The following SCNN1A variants were observed in gnomAD, a reference collection of about 807,000 sequenced individuals.
The protein encoded by SCNN1A is epithelial sodium channel subunit alpha.
SCNN1A carries 65 observed loss-of-function variants against 68.6 expected under a neutral mutation model. That is an observed-to-expected ratio of 0.95 (90% CI 0.78 to 1.16). The LOEUF is 1.16. SCNN1A is among the 50% of genes most tolerant of loss of function. The probability of loss-of-function intolerance (pLI) is 0.00; values close to 1 mark genes in which losing one functional copy is unlikely to be tolerated. For missense variants in SCNN1A, 880 were observed against 865.9 expected (o/e 1.02, Z -0.20); for synonymous variants, 357 against 353.3 (o/e 1.01, Z -0.12).
chr12:6,354,819 A>G lies in SCNN1A; in HGVS notation c.1173T>C (p.Tyr391=), dbSNP rs777139886. ...CACTGCCATTCTTGGTGCAGTCGCCATAATCGCCCCCAAGTCTGTCCAGGG... is the reference window on the plus strand; with the variant it reads ...CACTGCCATTCTTGGTGCAGTCGCCGTAATCGCCCCCAAGTCTGTCCAGGG... The part of the protein sequence containing the change: ...KETLDRLGGD[Y]GDCTKNGSDV... The change falls in exon 7 of 13, where the codon TAT becomes TAC. Residue 391 remains tyrosine, a synonymous_variant. Transcript: ENST00000228916. 4.3e-6 allele frequency: 7 copies of G among 1,613,928 alleles called. No homozygotes were observed. In the Admixed American group the frequency reaches 5.0e-5, roughly 12 times the overall value.
intron 7 of SCNN1A, 82 bp from the exon 8 acceptor site, chr12:6,354,637 C>T (rs1265212803): frequency 3.5e-6 from 5 of 1,411,682 alleles, no homozygotes; most frequent in East Asian, 2.3e-5. Flanking sequence ...ATCCTCTTTC[C>T]ACCACCCCCC....
At chr12:6,364,572 G>A (rs893510239) in intron 2 of SCNN1A, among the ~76,000 whole-genome samples, 5 of 151,896 alleles carry the variant, frequency 3.3e-5, no homozygotes, top group Admixed American at 1.3e-4. Flanking sequence ...TGGCTAACAC[G>A]GTGAAACCCC....
chr12:6,375,790 A>G, upstream of SCNN1A: 1 of 1,388,744 alleles, frequency 7.2e-7, no homozygotes, highest in Non-Finnish European at 9.3e-7. Flanking sequence ...GAACAAGTAG[A>G]AGGATCCTGA....
upstream of SCNN1A, chr12:6,375,797 C>A (rs1159731041): frequency 2.4e-5 from 33 of 1,380,720 alleles, no homozygotes; most frequent in Non-Finnish European, 3.1e-5. Flanking sequence ...TAGAAGGATC[C>A]TGAGCCCACA....
intron 2 of SCNN1A, among the ~76,000 whole-genome samples, chr12:6,365,026 C>CT (rs56408845): frequency 0.051 from 6,916 of 136,678 alleles, 290 homozygotes; most frequent in African/African-American, 0.097. Context: ...AAAATTCCAG[C>CT]TTTTTTTTTT....
In SCNN1A at chr12:6,367,192, C is replaced by T. The variant is rs142177941; in HGVS notation, c.417-3482G>A. On this transcript the variant is annotated intron_variant, in intron 2 of 12. Transcript: ENST00000228916. ...GTTTGAGGCTACAGTGAGCCGTGAT[C>T]GTGTGACTACACTCCAGCCTGGGCA... 1.4e-4 allele frequency among the ~76,000 whole-genome samples: 21 copies of T among 152,104 alleles called. No homozygotes were observed. The East Asian group carries it at 4.1e-3, about 29-fold the overall frequency.
intron 4 of SCNN1A, among the ~76,000 whole-genome samples, chr12:6,359,764 C>CT (rs59652159): frequency 0.012 from 958 of 76,922 alleles, 27 homozygotes; most frequent in Non-Finnish European, 0.014. Context: ...TCAGATATTC[C>CT]TTTTTTTTTT....
At chr12:6,371,869 T>G (rs943245824) in intron 2 of SCNN1A, among the ~76,000 whole-genome samples, 1 of 152,194 alleles carries the variant, frequency 6.6e-6, no homozygotes, top group African/African-American at 2.4e-5. Context: ...TGGCGTGATC[T>G]CGGCTCACTG....
At chr12:6,349,047 C>T (rs764393981) in intron 10 of SCNN1A, 42 bp from the exon 11 acceptor site, 20 of 1,610,102 alleles carry the variant, frequency 1.2e-5, no homozygotes, top group East Asian at 2.2e-5. Context: ...CTCCCATATG[C>T]TTCAGGCTTA....
chr12:6,348,113 GCTTCGGAAC>G lies in SCNN1A; in HGVS notation c.1761_1769del (p.Arg587_Arg589del), dbSNP rs763040899. ...CCCCTCGGCCTGGAGACCAGTATCG[GCTTCGGAAC>G]CTTCGGAGCAGCATGAGGAACATGA... On this transcript the variant is annotated inframe_deletion, in exon 13 of 13. Coordinates refer to ENST00000228916, the MANE Select transcript of SCNN1A (RefSeq NM_001038.6). The G allele has an allele frequency of 6.2e-7, 1 of 1,614,176 alleles. No individual in the cohort carries two copies. The highest frequency in any genetic ancestry group is 1.7e-5 in the Admixed American group (1 of 60,030).
chr12:6,375,031 C>A, intron 1 of SCNN1A, 194 bp from the exon 2 acceptor site: 1 of 1,540,818 alleles, frequency 6.5e-7, no homozygotes. Context: ...AGCAGACCTG[C>A]GGGAGTTGGG....
At chr12:6,361,744 A>G (rs1189741263) in intron 4 of SCNN1A, among the ~76,000 whole-genome samples, 2 of 151,888 alleles carry the variant, frequency 1.3e-5, no homozygotes, top group Admixed American at 6.6e-5. Context: ...ACTCCATCTC[A>G]AAAAAAAGAA....
chr12:6,364,117 AGTGTCG>A (rs1217918243), intron 2 of SCNN1A: 2 of 163,238 alleles, frequency 1.2e-5, no homozygotes, highest in Non-Finnish European at 2.6e-5. Flanking sequence ...CCCGCAGGCG[AGTGTCG>A]GTGGCCTTTC....
chr12:6,354,111 G>A lies in SCNN1A; in HGVS notation c.1360+327C>T, dbSNP rs184695222. Reference sequence around the variant, plus strand: ...CTGGGCGTGGTGGCGGGTGCCTGTAGTCCCAGCTATTCAGGAGGCTGAGGC... The same window carrying A: ...CTGGGCGTGGTGGCGGGTGCCTGTAATCCCAGCTATTCAGGAGGCTGAGGC... On this transcript the variant is annotated intron_variant, in intron 8 of 12. Coordinates refer to ENST00000228916, the MANE Select transcript of SCNN1A (RefSeq NM_001038.6). Among the ~76,000 whole-genome samples the A allele has an allele frequency of 0.011, 1,630 of 151,930 alleles. 33 individuals carry two copies. The highest frequency in any genetic ancestry group is 0.038 in the African/African-American group (1,587 of 41,484).
intron 2 of SCNN1A, among the ~76,000 whole-genome samples, chr12:6,367,733 C>T (rs1249198071): frequency 1.3e-5 from 2 of 152,278 alleles, no homozygotes; most frequent in Admixed American, 6.5e-5. Context: ...TCAATTATGC[C>T]TCACTTAAAG....
At position 6,347,911 on chromosome 12, in the gene SCNN1A, C is replaced by T. The variant is rs1948289131; in HGVS notation, c.1972G>A (p.Gly658Arg). ...GPRPSPGGSAGASSSTCPLGG... is the reference protein window; with the variant it reads ...GPRPSPGGSARASSSTCPLGG... ...AGAGGACAGGTGGAGGAACTGGCCC[C>T]TGCAGAGCCCCCTGGAGATGGGCGG... is the stretch of plus-strand genomic sequence containing the variant. Residue 658 changes from glycine to arginine, a missense_variant, in exon 13 of 13, where the codon GGG (glycine) becomes AGG (arginine). Physicochemically the swap from Gly to Arg is moderately radical, Grantham distance 125. This residue lies in a region of SCNN1A where 758 missense variants were observed against 721.8 expected (regional missense o/e 1.05). Coordinates refer to ENST00000228916, the MANE Select transcript of SCNN1A (RefSeq NM_001038.6). 1.3e-6 allele frequency: 2 copies of T among 1,596,700 alleles called. No individual in the cohort carries two copies. Among genetic ancestry groups the T allele is most frequent in the African/African-American group, 2.7e-5 (2 of 74,624 alleles).
At chr12:6,350,876 A>T (rs942415074) in intron 8 of SCNN1A, among the ~76,000 whole-genome samples, 1 of 151,996 alleles carries the variant, frequency 6.6e-6, no homozygotes, top group Non-Finnish European at 1.5e-5. Context: ...ATAAATAAAA[A>T]TTTAAAAAGA....
Position 6,375,493 on chromosome 12 carries a change from C to T in SCNN1A, c.-55+12G>A. On this transcript the variant is annotated intron_variant, in intron 1 of 12. Coordinates refer to ENST00000228916, the MANE Select transcript of SCNN1A (RefSeq NM_001038.6). Reference sequence around the variant, plus strand: ...AGTTGAATCTGGCAGCCAAACCTCTCCTCCCCCTCACCTGACAGGTGCAGC... The same window carrying T: ...AGTTGAATCTGGCAGCCAAACCTCTTCTCCCCCTCACCTGACAGGTGCAGC... The T allele has an allele frequency of 2.0e-6, 3 of 1,535,616 alleles. No homozygotes were observed. The highest frequency in any genetic ancestry group is 2.0e-5 in the Admixed American group (1 of 50,996).
Position 6,347,815 on chromosome 12 carries a change from C to A in SCNN1A, c.*58G>T. 6.8e-7 allele frequency: 1 copy of A among 1,466,914 alleles called. No individual in the cohort carries two copies. The highest frequency in any genetic ancestry group is 9.4e-7 in the Non-Finnish European group (1 of 1,060,552). 90.9% of individuals were successfully genotyped at this position (1,466,914 alleles called of 1,614,324 possible). A position where few individuals can be genotyped will look rare whatever the true frequency, so the allele number is the denominator to read the frequency against. On this transcript the variant is annotated 3_prime_UTR_variant, in exon 13 of 13. Transcript: ENST00000228916. The stretch of plus-strand genomic sequence containing the variant: ...TGCACATCCTTCAATCTTGCCAGGG[C>A]CAGCACCCTCCCACCAGAGGAGCAT...
Sources: gnomAD v4.1 joint callset for allele counts (sites outside exome capture counted in the v4.1 genomes callset) on GRCh38, gnomAD v4.1.1 for gene constraint, gnomAD v4.1.1 regional missense constraint, MANE v1.5 for transcripts, NCBI Gene and HGNC (gene_info 2026-07-23, HGNC 2026-07-21) for gene names.